The following FOXK1 variants were observed in gnomAD, a reference collection of about 807,000 sequenced individuals.
FOXK1 encodes the protein forkhead box protein K1.
FOXK1 carries 19 observed loss-of-function variants against 51.9 expected under a neutral mutation model. The ratio of observed to expected loss-of-function variants is 0.37; its 90% confidence interval spans 0.26 to 0.54. The LOEUF (loss-of-function observed/expected upper bound fraction) is 0.54. FOXK1 is among the 20% of genes least tolerant of loss of function. FOXK1 has a pLI of 0.87. For synonymous variants in FOXK1, 537 were observed against 482.6 expected (o/e 1.11, Z -1.48); for missense variants, 870 against 1,032.7 (o/e 0.84, Z 2.16).
rs116018034 is a variant in FOXK1, at chr7:4,764,292, C to T, written c.*1828C>T. On this transcript the variant is annotated 3_prime_UTR_variant, in exon 9 of 9. Coordinates refer to ENST00000328914, the MANE Select transcript of FOXK1 (RefSeq NM_001037165.2). ...CCCTTGTTCGGTTTCCTTCCCGTGT[C>T]CCGTTGTTTTTCTAAGCCCCCCGAA... 5,193 of 154,452 alleles carry T rather than the reference C, an allele frequency of 0.034. 284 individuals carry two copies. The highest frequency in any genetic ancestry group is 0.12 in the African/African-American group (4,796 of 41,578). The allele number at this position is 154,452 out of a possible 1,614,324, so 9.6% of individuals were successfully genotyped here. A position where few individuals can be genotyped will look rare whatever the true frequency, so the allele number is the denominator to read the frequency against.
Position 4,756,936 on chromosome 7 carries a change from G to A in FOXK1, c.1051-58G>A. The A allele has an allele frequency of 1.3e-6, 2 of 1,572,498 alleles. No individual in the cohort carries two copies. Among genetic ancestry groups the A allele is most frequent in the Non-Finnish European group, 1.7e-6 (2 of 1,154,138 alleles). ...CCCGCATCTGCTGCAGATTTGAGGT[G>A]GGTGGGACTCATTTTCTGATTTGCT... On this transcript the variant is annotated intron_variant, in intron 4 of 8. Coordinates refer to ENST00000328914, the MANE Select transcript of FOXK1 (RefSeq NM_001037165.2). This position sits in a 1 kb window ranked among gnomAD's most constrained non-coding sequence, Gnocchi z 4.1.
In FOXK1 at chr7:4,722,534, T is replaced by C. The variant is rs1780328058; in HGVS notation, c.561-18304T>C. Among the ~76,000 whole-genome samples, 1 of 152,078 alleles carries C rather than the reference T, an allele frequency of 6.6e-6. No homozygotes were observed. The highest frequency in any genetic ancestry group is 6.6e-5 in the Admixed American group (1 of 15,264). ...CCCAGTGCCAGCGTGCTGGGACGGGTACACTCGTGCCTGTTAACCGCACAC... is the reference window on the plus strand; with the variant it reads ...CCCAGTGCCAGCGTGCTGGGACGGGCACACTCGTGCCTGTTAACCGCACAC... On this transcript the variant is annotated intron_variant, in intron 1 of 8. Coordinates refer to ENST00000328914, the MANE Select transcript of FOXK1 (RefSeq NM_001037165.2). This position sits in a 1 kb window ranked among gnomAD's most constrained non-coding sequence, Gnocchi z 5.1.
chr7:4,746,998 T>C (rs1780711122), intron 2 of FOXK1, among the ~76,000 whole-genome samples: 1 of 152,234 alleles, frequency 6.6e-6, no homozygotes, highest in Non-Finnish European at 1.5e-5. Context: ...GGACTTTCTG[T>C]CTTCCTTTTA....
In FOXK1 at chr7:4,709,540, G is replaced by A. The variant is rs779058861; in HGVS notation, c.560+26672G>A. On this transcript the variant is annotated intron_variant, in intron 1 of 8. Transcript: ENST00000328914. This position sits in a 1 kb window ranked among gnomAD's most constrained non-coding sequence, Gnocchi z 5.6. ...AGGCTGGCCCGTGACCGGGGCAGGC[G>A]GACCTTCTCCGGGAGCCCTGTGCAC... is the stretch of plus-strand genomic sequence containing the variant. Among the ~76,000 whole-genome samples the A allele has an allele frequency of 2.6e-5, 4 of 152,218 alleles. No individual in the cohort carries two copies. The highest frequency in any genetic ancestry group is 4.4e-5 in the Non-Finnish European group (3 of 68,040).
intron 2 of FOXK1, among the ~76,000 whole-genome samples, chr7:4,751,084 G>A (rs529389295): frequency 1.4e-5 from 2 of 141,748 alleles, no homozygotes; most frequent in African/African-American, 2.7e-5. Context: ...GCGCAATCTC[G>A]ACTCACTGCA....
In FOXK1 at chr7:4,683,802, A is replaced by G. The variant is rs571949100; in HGVS notation, c.560+934A>G. ...GGACCCCAACACACTCACCCAGGACAGTGGGAGGGTGTTGCTCCGGGAAGT... is the reference window on the plus strand; with the variant it reads ...GGACCCCAACACACTCACCCAGGACGGTGGGAGGGTGTTGCTCCGGGAAGT... On this transcript the variant is annotated intron_variant, in intron 1 of 8. Transcript: ENST00000328914. The surrounding 1 kb of genome is among the most constrained non-coding windows in gnomAD (Gnocchi z 4.5). 6.6e-4 allele frequency among the ~76,000 whole-genome samples: 100 copies of G among 152,264 alleles called. 2 individuals are homozygous for G. The South Asian group carries it at 0.012, about 18-fold the overall frequency.
chr7:4,742,334 G>A (rs953581939), intron 2 of FOXK1, among the ~76,000 whole-genome samples: 3 of 152,096 alleles, frequency 2.0e-5, no homozygotes, highest in African/African-American at 7.2e-5. Context: ...CCTCCCTGCT[G>A]ATCTGCGCAC....
intron 1 of FOXK1, among the ~76,000 whole-genome samples, chr7:4,684,875 C>T (rs561775223): frequency 1.8e-3 from 270 of 151,846 alleles, no homozygotes; most frequent in African/African-American, 6.2e-3. Flanking sequence ...AACCTCAGAT[C>T]GTCTACGAAT....
intron 2 of FOXK1, among the ~76,000 whole-genome samples, chr7:4,751,555 C>T (rs1378367866): frequency 6.6e-6 from 1 of 152,136 alleles, no homozygotes; most frequent in Admixed American, 6.5e-5. Flanking sequence ...CCTCTGCTTC[C>T]CGCCTCCGTC....
Position 4,761,359 on chromosome 7 carries a change from G to T in FOXK1, c.1921+71G>T. ...GCTCCCAGTAGTCAGTGCGGCATGA[G>T]AATGTTCTCCCAGTATCTCCCGATC... On this transcript the variant is annotated intron_variant, in intron 8 of 8. Coordinates refer to ENST00000328914, the MANE Select transcript of FOXK1 (RefSeq NM_001037165.2). The surrounding 1 kb of genome is among the most constrained non-coding windows in gnomAD (Gnocchi z 6.2). The T allele has an allele frequency of 7.0e-7, 1 of 1,430,110 alleles. No individual in the cohort carries two copies. The highest frequency in any genetic ancestry group is 9.6e-7 in the Non-Finnish European group (1 of 1,043,390). The allele number at this position is 1,430,110 out of a possible 1,614,324, so 88.6% of individuals were successfully genotyped here.
At chr7:4,751,876 TC>T (rs1780783567) in intron 2 of FOXK1, among the ~76,000 whole-genome samples, 1 of 152,254 alleles carries the variant, frequency 6.6e-6, no homozygotes, top group Non-Finnish European at 1.5e-5. Flanking sequence ...GAGCCAGGCT[TC>T]GCCAACCTTT....
chr7:4,716,509 A>T (rs1165631168), intron 1 of FOXK1, among the ~76,000 whole-genome samples: 1 of 151,910 alleles, frequency 6.6e-6, no homozygotes, highest in African/African-American at 2.4e-5. Flanking sequence ...CTGTGTCCCA[A>T]AAAAAAAGAG....
chr7:4,755,293 C>T lies in FOXK1; in HGVS notation c.960C>T (p.Ser320=), dbSNP rs748400258. ...AGCTGATCGTGCAGGCCATCTCCTC[C>T]GCCCAGGACCGGCAGCTGACCCTGA... ...YAQLIVQAIS[S]AQDRQLTLSG... Residue 320 remains serine, a synonymous_variant, in exon 4 of 9, where the codon TCC becomes TCT. Transcript: ENST00000328914. This position sits in a 1 kb window ranked among gnomAD's most constrained non-coding sequence, Gnocchi z 6.6. 1.9e-5 allele frequency: 31 copies of T among 1,613,920 alleles called. No individual in the cohort carries two copies. The highest frequency in any genetic ancestry group is 9.3e-5 in the African/African-American group (7 of 74,934).
In FOXK1 at chr7:4,715,226, A is replaced by T. The variant is rs1438550325; in HGVS notation, c.561-25612A>T. 6.6e-6 allele frequency among the ~76,000 whole-genome samples: 1 copy of T among 152,134 alleles called. No homozygotes were observed. Among genetic ancestry groups the T allele is most frequent in the Non-Finnish European group, 1.5e-5 (1 of 68,026 alleles). On this transcript the variant is annotated intron_variant, in intron 1 of 8. Coordinates refer to ENST00000328914, the MANE Select transcript of FOXK1 (RefSeq NM_001037165.2). The surrounding 1 kb of genome is among the most constrained non-coding windows in gnomAD (Gnocchi z 4.5). ...TACGGGGCACGGTGGAACTGTGATG[A>T]TATCGGGCATGGCGAAATTGTGATA... is the stretch of plus-strand genomic sequence containing the variant.
At chr7:4,684,479 C>G (rs1307490526) in intron 1 of FOXK1, among the ~76,000 whole-genome samples, 1 of 152,192 alleles carries the variant, frequency 6.6e-6, no homozygotes, top group Non-Finnish European at 1.5e-5. Flanking sequence ...ATACCTTTTT[C>G]TAACCGTGCT....
chr7:4,710,928 TG>T (rs1297045822), intron 1 of FOXK1, among the ~76,000 whole-genome samples: 4 of 152,174 alleles, frequency 2.6e-5, no homozygotes, highest in Non-Finnish European at 1.5e-5. Context: ...TAGTTCCTTC[TG>T]GGTAGAGATG....
intron 7 of FOXK1, among the ~76,000 whole-genome samples, chr7:4,760,528 T>G (rs1292018060): frequency 6.6e-6 from 1 of 152,166 alleles, no homozygotes; most frequent in Admixed American, 6.6e-5. Flanking sequence ...TCAGACTAAA[T>G]TTGGGTTGGT....
rs541052683 is a variant in FOXK1, at chr7:4,720,580, G to A, written c.561-20258G>A. ...GGATGGGCAGCCTGTGGCCAACTTCGATGCTGGCAGAGCCAGGCCGGGGAG... is the reference window on the plus strand; with the variant it reads ...GGATGGGCAGCCTGTGGCCAACTTCAATGCTGGCAGAGCCAGGCCGGGGAG... On this transcript the variant is annotated intron_variant, in intron 1 of 8. Transcript: ENST00000328914. Among the ~76,000 whole-genome samples, 48 of 152,272 alleles carry A rather than the reference G, an allele frequency of 3.2e-4. 1 individual carries two copies. Among genetic ancestry groups the A allele is most frequent in the African/African-American group, 9.1e-4 (38 of 41,552 alleles).
chr7:4,704,591 T>C (rs1317839113), intron 1 of FOXK1, among the ~76,000 whole-genome samples: 1 of 151,872 alleles, frequency 6.6e-6, no homozygotes, highest in African/African-American at 2.4e-5. Context: ...ATTTCGGAAC[T>C]GGATAAGCTA....
Sources: allele counts gnomAD v4.1 joint callset (sites outside exome capture counted in the v4.1 genomes callset), GRCh38; gene constraint gnomAD v4.1.1; non-coding constraint Gnocchi (gnomAD v3.1); transcripts MANE v1.5; gene names NCBI Gene and HGNC (gene_info 2026-07-23, HGNC 2026-07-21).